The following FHOD3 variants were observed in gnomAD, a reference collection of about 807,000 sequenced individuals.
FHOD3 encodes formin homology 2 domain containing 3, also known as FH1/FH2 domain-containing protein 3.
Under a neutral mutation model 173.0 loss-of-function variants are expected in FHOD3, and 90 were observed. The observed-to-expected ratio is 0.52, with a 90% CI of 0.44 to 0.62. The LOEUF is 0.62. Among genes scored for constraint, FHOD3 ranks in the 20% least tolerant of loss-of-function variants. The pLI, the probability that FHOD3 is intolerant of heterozygous loss-of-function variation, is 0.00. For synonymous variants in FHOD3, 828 were observed against 823.0 expected, an observed-to-expected ratio of 1.01 and a Z score of -0.10; for missense variants, 1,945 against 2,034.7, an observed-to-expected ratio of 0.96 and a Z score of 0.85.
At chr18:36,370,338 T>C (rs907382703) in intron 2 of FHOD3, among the ~76,000 whole-genome samples, 3 of 152,168 alleles carry the variant, frequency 2.0e-5, no homozygotes, top group African/African-American at 7.2e-5. Flanking sequence ...CTTTTTTTTT[T>C]CTTCTATGCT....
chr18:36,303,585 T>A (rs2092011888), intron 1 of FHOD3, among the ~76,000 whole-genome samples: 1 of 152,188 alleles, frequency 6.6e-6, no homozygotes. Context: ...TAAAACAGAT[T>A]AACATGCTGA....
intron 1 of FHOD3, among the ~76,000 whole-genome samples, chr18:36,339,711 T>C (rs1337214535): frequency 6.6e-6 from 1 of 152,134 alleles, no homozygotes; most frequent in African/African-American, 2.4e-5. Flanking sequence ...TGCAGAGTGG[T>C]GGGGCTGGGG....
intron 10 of FHOD3, among the ~76,000 whole-genome samples, chr18:36,649,097 C>T (rs781326513): frequency 9.9e-5 from 15 of 151,992 alleles, no homozygotes; most frequent in African/African-American, 3.1e-4. Context: ...CTCCACCCGA[C>T]GTTTAAAGTC....
chr18:36,412,243 C>T (rs555856605), intron 3 of FHOD3, among the ~76,000 whole-genome samples: 21 of 152,064 alleles, frequency 1.4e-4, no homozygotes, highest in Non-Finnish European at 1.9e-4. Flanking sequence ...TGAGGGGATC[C>T]GTATGAATGC....
intron 9 of FHOD3, among the ~76,000 whole-genome samples, chr18:36,624,297 T>G (rs1076993): frequency 0.8 from 121,530 of 152,094 alleles, 49,568 homozygotes; most frequent in East Asian, 1. Flanking sequence ...GGCAATTCTA[T>G]TACCTTCATT....
At chr18:36,589,942 G>A (rs750931305) in intron 6 of FHOD3, among the ~76,000 whole-genome samples, 4 of 152,178 alleles carry the variant, frequency 2.6e-5, no homozygotes, top group South Asian at 4.1e-4. Context: ...TCGTTACCAC[G>A]TGAAGGCATG....
chr18:36,487,271 G>A (rs117850220), intron 3 of FHOD3, among the ~76,000 whole-genome samples: 280 of 152,286 alleles, frequency 1.8e-3, no homozygotes, highest in Admixed American at 2.5e-3. Context: ...CCAGCAGAGC[G>A]TCAGGTTCCA....
At chr18:36,709,517 G>C (rs865775505) in intron 18 of FHOD3, 126 bp downstream of exon 18, 1 of 1,004,302 alleles carries the variant, frequency 1.0e-6, no homozygotes, top group Non-Finnish European at 1.4e-6. Context: ...TCATGTGGCT[G>C]TGTCACCCAG....
At chr18:36,735,699 CA>C (rs942374066) in intron 20 of FHOD3, among the ~76,000 whole-genome samples, 1 of 152,174 alleles carries the variant, frequency 6.6e-6, no homozygotes, top group Admixed American at 6.5e-5. Context: ...ACTATTTTCT[CA>C]TGCAAATATG....
chr18:36,675,494 G>T (rs776954378), intron 14 of FHOD3, among the ~76,000 whole-genome samples: 11 of 152,254 alleles, frequency 7.2e-5, no homozygotes, highest in Non-Finnish European at 1.2e-4. Flanking sequence ...CCAGTGCACA[G>T]CCCTGAGACA....
intron 5 of FHOD3, among the ~76,000 whole-genome samples, chr18:36,541,810 G>T (rs2057233259): frequency 6.6e-6 from 1 of 152,178 alleles, no homozygotes; most frequent in Non-Finnish European, 1.5e-5. Flanking sequence ...GAATTGGAAT[G>T]AACCTCAGAA....
At chr18:36,495,409 T>A (rs2054693248) in intron 3 of FHOD3, among the ~76,000 whole-genome samples, 2 of 152,142 alleles carry the variant, frequency 1.3e-5, no homozygotes, top group Non-Finnish European at 2.9e-5. Flanking sequence ...TGTACTACCC[T>A]CACTAACATG....
At chr18:36,501,415 C>T (rs975631024) in intron 3 of FHOD3, among the ~76,000 whole-genome samples, 1 of 152,212 alleles carries the variant, frequency 6.6e-6, no homozygotes, top group African/African-American at 2.4e-5. Context: ...GCAGCCAGCA[C>T]ACCCCAGGAA....
intron 5 of FHOD3, among the ~76,000 whole-genome samples, chr18:36,523,425 A>C (rs964390822): frequency 6.6e-6 from 1 of 152,230 alleles, no homozygotes; most frequent in Non-Finnish European, 1.5e-5. Flanking sequence ...TAAATTGATC[A>C]GTGGTGCCTT....
intron 4 of FHOD3, 138 bp from the exon 5 acceptor site, chr18:36,512,299 AT>A: frequency 1.5e-6 from 1 of 665,186 alleles, no homozygotes; most frequent in East Asian, 2.7e-5. Context: ...AACAGTTGAT[AT>A]GCTTCATTTG....
intron 7 of FHOD3, among the ~76,000 whole-genome samples, chr18:36,597,638 G>A (rs1425000597): frequency 1.3e-5 from 2 of 152,162 alleles, no homozygotes; most frequent in Non-Finnish European, 2.9e-5. Flanking sequence ...GTTTTAGCCA[G>A]GATAGTCTCA....
chr18:36,529,419 A>G (rs2056679619), intron 5 of FHOD3, among the ~76,000 whole-genome samples: 1 of 151,968 alleles, frequency 6.6e-6, no homozygotes, highest in Admixed American at 6.6e-5. Context: ...GAGAGGCTTC[A>G]TTGAATAAGT....
intron 3 of FHOD3, among the ~76,000 whole-genome samples, chr18:36,403,620 A>T (rs1214138249): frequency 6.6e-6 from 1 of 152,220 alleles, no homozygotes; most frequent in African/African-American, 2.4e-5. Context: ...AGATTTTAGT[A>T]AAAAAACACA....
chr18:36,713,277 A>ATG (rs2040270854), intron 18 of FHOD3, among the ~76,000 whole-genome samples: 1 of 152,222 alleles, frequency 6.6e-6, no homozygotes, highest in Non-Finnish European at 1.5e-5. Flanking sequence ...ACATCATGTG[A>ATG]TGTAGTGCTC....
Sources: gnomAD v4.1 joint callset for allele counts (sites outside exome capture counted in the v4.1 genomes callset) on GRCh38, gnomAD v4.1.1 for gene constraint, MANE v1.5 for transcripts, NCBI Gene and HGNC (gene_info 2026-07-23, HGNC 2026-07-21) for gene names.